WDR70: variants seen among roughly 807,000 people sequenced by gnomAD.
WDR70 encodes WD repeat domain 70.
Under a neutral mutation model 88.6 loss-of-function variants are expected in WDR70, and 53 were observed. The ratio of observed to expected loss-of-function variants is 0.60; its 90% CI spans 0.48 to 0.75. WDR70 has a LOEUF of 0.75. Ranked by LOEUF, WDR70 falls within the 30% of genes least tolerant of loss-of-function variation. The pLI is 0.00. For missense variants in WDR70, 610 were observed against 823.2 expected, an observed-to-expected ratio of 0.74 and a Z score of 3.17; for synonymous variants, 280 against 270.0, an observed-to-expected ratio of 1.04 and a Z score of -0.36.
chr5:37,574,881 A>G (rs1743010201), intron 9 of WDR70, among the ~76,000 whole-genome samples: 1 of 152,180 alleles, frequency 6.6e-6, no homozygotes, highest in Admixed American at 6.5e-5. Context: ...TTGTACATCT[A>G]AAATATAACA....
At chr5:37,616,053 A>C (rs954388718) in intron 10 of WDR70, among the ~76,000 whole-genome samples, 2 of 152,186 alleles carry the variant, frequency 1.3e-5, no homozygotes, top group Admixed American at 1.3e-4. Flanking sequence ...TCTCAGACTG[A>C]CACTTCCAGT....
intron 10 of WDR70, among the ~76,000 whole-genome samples, chr5:37,642,911 T>G (rs1238486137): frequency 1.3e-5 from 2 of 152,208 alleles, no homozygotes; most frequent in Admixed American, 1.3e-4. Context: ...ATGGGTAGTT[T>G]GCAAATATTT....
At chr5:37,684,134 G>T (rs984106099) in intron 10 of WDR70, among the ~76,000 whole-genome samples, 1 of 151,920 alleles carries the variant, frequency 6.6e-6, no homozygotes, top group Non-Finnish European at 1.5e-5. Flanking sequence ...GGTCTATTCT[G>T]CTATTAATAC....
intron 5 of WDR70, among the ~76,000 whole-genome samples, chr5:37,402,944 GTTTT>G (rs5867348): frequency 1.8e-4 from 15 of 84,372 alleles, no homozygotes; most frequent in Non-Finnish European, 2.6e-4. Context: ...CCCTCCCTCC[GTTTT>G]TTTTTTTTTT....
intron 9 of WDR70, among the ~76,000 whole-genome samples, chr5:37,521,782 G>A (rs1741101946): frequency 6.6e-6 from 1 of 151,640 alleles, no homozygotes; most frequent in Non-Finnish European, 1.5e-5. Flanking sequence ...TGGGCATTTG[G>A]GCTGGTTCCA....
intron 11 of WDR70, 145 bp from the exon 12 acceptor site, chr5:37,700,913 C>T (rs980736617): frequency 1.8e-6 from 1 of 561,862 alleles, no homozygotes; most frequent in Non-Finnish European, 3.1e-6. Flanking sequence ...CTTCTTTCTT[C>T]CTTTCTTTCT....
chr5:37,683,837 G>A (rs981182790), intron 10 of WDR70, among the ~76,000 whole-genome samples: 1 of 152,140 alleles, frequency 6.6e-6, no homozygotes, highest in African/African-American at 2.4e-5. Context: ...ATCTTCTCAT[G>A]AAGTATCTTA....
intron 10 of WDR70, among the ~76,000 whole-genome samples, chr5:37,659,346 T>G (rs1379902764): frequency 1.3e-5 from 2 of 152,138 alleles, no homozygotes; most frequent in African/African-American, 4.8e-5. Flanking sequence ...TAATTCCATG[T>G]TTTTGATATT....
At chr5:37,438,440 G>A (rs747950944) in intron 6 of WDR70, among the ~76,000 whole-genome samples, 25 of 151,900 alleles carry the variant, frequency 1.6e-4, no homozygotes, top group Non-Finnish European at 1.8e-4. Flanking sequence ...CAGATTGCAT[G>A]TTTATATTGT....
intron 5 of WDR70, among the ~76,000 whole-genome samples, chr5:37,405,613 C>T (rs16903610): frequency 0.048 from 7,286 of 151,878 alleles, 605 homozygotes; most frequent in African/African-American, 0.17. Context: ...AATTGTCCCT[C>T]ATTATAAAGC....
At chr5:37,544,826 G>T (rs1040960989) in intron 9 of WDR70, among the ~76,000 whole-genome samples, 2 of 152,152 alleles carry the variant, frequency 1.3e-5, no homozygotes, top group Admixed American at 1.3e-4. Flanking sequence ...GCAGATGTGG[G>T]TCATGTTGGA....
chr5:37,475,526 C>T (rs1343383634), intron 7 of WDR70, among the ~76,000 whole-genome samples: 1 of 152,232 alleles, frequency 6.6e-6, no homozygotes, highest in East Asian at 1.9e-4. Context: ...GCGTGAGCCA[C>T]CACGCCTGGC....
chr5:37,691,579 A>G (rs1042179798), intron 10 of WDR70, among the ~76,000 whole-genome samples: 1 of 152,254 alleles, frequency 6.6e-6, no homozygotes, highest in African/African-American at 2.4e-5. Flanking sequence ...GCACAAGTAC[A>G]TGGAAACTGA....
intron 15 of WDR70, 37 bp from the exon 16 acceptor site, chr5:37,724,897 T>C (rs752729373): frequency 1.3e-6 from 2 of 1,568,726 alleles, no homozygotes; most frequent in Admixed American, 1.7e-5. Flanking sequence ...GGAAGGTTAT[T>C]GTTATAATGA....
At chr5:37,638,568 A>G (rs2112537799) in intron 10 of WDR70, among the ~76,000 whole-genome samples, 1 of 152,342 alleles carries the variant, frequency 6.6e-6, no homozygotes, top group East Asian at 1.9e-4. Context: ...TTTGATTCTC[A>G]TATCAGCTTA....
intron 7 of WDR70, among the ~76,000 whole-genome samples, chr5:37,467,796 A>G (rs1739204519): frequency 6.6e-6 from 1 of 151,886 alleles, no homozygotes; most frequent in South Asian, 2.1e-4. Context: ...GGCTCACTGC[A>G]AGCTCCGCCT....
intron 5 of WDR70, among the ~76,000 whole-genome samples, chr5:37,406,553 T>TA (rs1749359555): frequency 6.6e-6 from 1 of 152,170 alleles, no homozygotes; most frequent in Non-Finnish European, 1.5e-5. Flanking sequence ...TCCCCCTCTA[T>TA]AAAATGGGAC....
At chr5:37,474,740 TGTGTGTTGTTCCCCTAG>T (rs1339565753) in intron 7 of WDR70, among the ~76,000 whole-genome samples, 1 of 152,038 alleles carries the variant, frequency 6.6e-6, no homozygotes, top group Non-Finnish European at 1.5e-5. Context: ...CAGGCCCCAA[TGTGTGTTGTTCCCCTAG>T]GTGTGTTGTT....
At chr5:37,587,768 A>G (rs952566157) in intron 9 of WDR70, among the ~76,000 whole-genome samples, 1 of 148,022 alleles carries the variant, frequency 6.8e-6, no homozygotes, top group Admixed American at 7.0e-5. Flanking sequence ...GTGAAGGCAA[A>G]AGCCCTATTC....
Sources: gnomAD v4.1 joint callset for allele counts (sites outside exome capture counted in the v4.1 genomes callset) on GRCh38, gnomAD v4.1.1 for gene constraint, MANE v1.5 for transcripts, NCBI Gene and HGNC (gene_info 2026-07-23, HGNC 2026-07-21) for gene names.